Variants in MTR observed in about 807,000 individuals in gnomAD.
The protein encoded by MTR is 5-methyltetrahydrofolate-homocysteine methyltransferase.
MTR carries 84 observed loss-of-function variants against 154.8 expected under a neutral mutation model. The ratio of observed to expected loss-of-function variants is 0.54; its 90% confidence interval spans 0.45 to 0.65. The LOEUF is 0.65. Ranked by LOEUF, MTR falls within the 30% of genes least tolerant of loss-of-function variation. MTR has a pLI of 0.00. For missense variants in MTR, 1,275 were observed against 1,570.2 expected, an observed-to-expected ratio of 0.81 and a Z score of 3.18; for synonymous variants, 554 against 553.9, an observed-to-expected ratio of 1.00 and a Z score of 0.00.
intron 4 of MTR, among the ~76,000 whole-genome samples, chr1:236,810,283 T>C (rs1337823166): frequency 6.6e-6 from 1 of 152,204 alleles, no homozygotes; most frequent in Non-Finnish European, 1.5e-5. Flanking sequence ...TCATCTAAGT[T>C]GGATAAAGAC....
intron 8 of MTR, chr1:236,819,689 C>T: frequency 1.0e-5 from 7 of 681,194 alleles, no homozygotes; most frequent in Non-Finnish European, 1.9e-5. Flanking sequence ...TCCTTAAGTT[C>T]CTTACAGCAG....
intron 31 of MTR, among the ~76,000 whole-genome samples, chr1:236,896,601 T>C (rs1216444522): frequency 6.6e-6 from 1 of 152,220 alleles, no homozygotes; most frequent in Non-Finnish European, 1.5e-5. Flanking sequence ...ACTGGAGCTC[T>C]CAGTCGTCCC....
Position 236,900,225 on chromosome 1 carries a change from A to T in MTR, c.*2581A>T. The T allele has an allele frequency of 3.0e-6, 1 of 335,548 alleles. No homozygotes were observed. Among genetic ancestry groups the T allele is most frequent in the Non-Finnish European group, 6.0e-6 (1 of 167,072 alleles). 20.8% of individuals were successfully genotyped at this position (335,548 alleles called of 1,614,324 possible). ...ATATATATTCATTCTACGGGATATTATTCAGTAGTGGAAATGAGTGAACTA... is the reference window on the plus strand; with the variant it reads ...ATATATATTCATTCTACGGGATATTTTTCAGTAGTGGAAATGAGTGAACTA... On this transcript the variant is annotated 3_prime_UTR_variant, in exon 33 of 33. Transcript: ENST00000366577.
intron 21 of MTR, among the ~76,000 whole-genome samples, chr1:236,863,188 G>C (rs949972309): frequency 1.3e-5 from 2 of 152,216 alleles, no homozygotes; most frequent in Non-Finnish European, 2.9e-5. Flanking sequence ...TTAAGGATGT[G>C]GTCTTCAGCT....
intron 23 of MTR, among the ~76,000 whole-genome samples, chr1:236,874,384 G>A (rs986884977): frequency 2.6e-5 from 4 of 151,952 alleles, no homozygotes; most frequent in Non-Finnish European, 1.5e-5. Context: ...AGACCAGCCT[G>A]GCCAACGTGG....
At chr1:236,836,151 G>A (rs549556292) in intron 14 of MTR, among the ~76,000 whole-genome samples, 1 of 152,152 alleles carries the variant, frequency 6.6e-6, no homozygotes, top group African/African-American at 2.4e-5. Flanking sequence ...TTCTTCAAAA[G>A]GTGAAAATTG....
rs559626400 is a variant in MTR, at chr1:236,861,391, T to C, written c.2196+114T>C. 7 of 1,411,854 alleles carry C rather than the reference T, an allele frequency of 5.0e-6. No individual in the cohort carries two copies. In the East Asian group the frequency reaches 1.6e-4, roughly 33 times the overall value. The allele number at this position is 1,411,854 out of a possible 1,614,324, so 87.5% of individuals were successfully genotyped here. ...TAATTTGGACAAGAGTTCAATGGTA[T>C]TGGCTAGTCATTCCTTCTCTAAATA... On this transcript the variant is annotated intron_variant, in intron 20 of 32. Coordinates refer to ENST00000366577, the MANE Select transcript of MTR (RefSeq NM_000254.3).
intron 8 of MTR, among the ~76,000 whole-genome samples, chr1:236,821,975 G>A (rs1661982391): frequency 6.6e-6 from 1 of 152,108 alleles, no homozygotes; most frequent in Non-Finnish European, 1.5e-5. Context: ...AGTAAGTCTT[G>A]GAGTTGGGTA....
rs533899215 is a variant in MTR, at chr1:236,883,690, C to G, written c.2677-1431C>G. Among the ~76,000 whole-genome samples the G allele has an allele frequency of 9.9e-5, 15 of 152,222 alleles. No homozygotes were observed. The East Asian group carries it at 2.7e-3, about 27-fold the overall frequency. On this transcript the variant is annotated intron_variant, in intron 25 of 32. Coordinates refer to ENST00000366577, the MANE Select transcript of MTR (RefSeq NM_000254.3). ...TGTGGTGTGAACACTATTTAGGAACCTATTTTTGGCCTGCCACGATGGCCT... is the reference window on the plus strand; with the variant it reads ...TGTGGTGTGAACACTATTTAGGAACGTATTTTTGGCCTGCCACGATGGCCT...
intron 24 of MTR, among the ~76,000 whole-genome samples, chr1:236,878,935 T>TC (rs1471783903): frequency 1.3e-5 from 2 of 152,234 alleles, no homozygotes; most frequent in African/African-American, 4.8e-5. Flanking sequence ...ATGCCCATCT[T>TC]CCAGCTCAGT....
At chr1:236,798,738 T>C (rs777329953) in intron 1 of MTR, among the ~76,000 whole-genome samples, 2 of 152,264 alleles carry the variant, frequency 1.3e-5, no homozygotes, top group Non-Finnish European at 2.9e-5. Context: ...CTGCTTTATT[T>C]AGAACTTGAC....
chr1:236,803,375 C>A lies in MTR; in HGVS notation c.35-53C>A, dbSNP rs945815102. 4 of 1,545,906 alleles carry A rather than the reference C, an allele frequency of 2.6e-6. No homozygotes were observed. The African/African-American group carries it at 4.1e-5, about 16-fold the overall frequency. On this transcript the variant is annotated intron_variant, in intron 1 of 32. Transcript: ENST00000366577. ...AAATTTCTCTAAAGCTCCTCCCTCA[C>A]ACATCTTTTTCACCTTTCATTCTTT... is the stretch of plus-strand genomic sequence containing the variant.
intron 24 of MTR, among the ~76,000 whole-genome samples, chr1:236,879,324 T>G (rs1025593017): frequency 1.3e-5 from 2 of 152,262 alleles, no homozygotes; most frequent in African/African-American, 4.8e-5. Context: ...GTTGGTTGTT[T>G]GGAAAAGCTT....
chr1:236,797,749 A>G (rs893674082), intron 1 of MTR, among the ~76,000 whole-genome samples: 1 of 152,152 alleles, frequency 6.6e-6, no homozygotes, highest in African/African-American at 2.4e-5. Flanking sequence ...ACCTGAGGTC[A>G]GGAGTTCGAG....
chr1:236,826,394 T>C (rs1283587741), intron 10 of MTR, among the ~76,000 whole-genome samples: 2 of 152,130 alleles, frequency 1.3e-5, no homozygotes, highest in Non-Finnish European at 2.9e-5. Context: ...ACTCCTGGGC[T>C]CAAGCGATCC....
At chr1:236,852,174 A>AGG (rs755801355) in intron 16 of MTR, among the ~76,000 whole-genome samples, 38 of 152,246 alleles carry the variant, frequency 2.5e-4, no homozygotes, top group Non-Finnish European at 4.4e-4. Flanking sequence ...ATAGTGAACT[A>AGG]GGGAGTCTGT....
At chr1:236,882,263 C>A (rs1665777451) in intron 25 of MTR, among the ~76,000 whole-genome samples, 1 of 152,144 alleles carries the variant, frequency 6.6e-6, no homozygotes, top group Non-Finnish European at 1.5e-5. Flanking sequence ...GATGTATAGC[C>A]CTGAATAGTT....
chr1:236,849,599 AGGAGCAAT>A (rs1227280283), intron 15 of MTR, among the ~76,000 whole-genome samples: 3 of 152,178 alleles, frequency 2.0e-5, no homozygotes, highest in Non-Finnish European at 2.9e-5. Context: ...AAAACACCAA[AGGAGCAAT>A]GTAGGAGGTG....
chr1:236,797,685 G>A (rs985134494), intron 1 of MTR, among the ~76,000 whole-genome samples: 2 of 152,110 alleles, frequency 1.3e-5, no homozygotes, highest in East Asian at 1.9e-4. Context: ...GAAGCTGGGC[G>A]CGGTGGCTCA....
Sources: allele counts gnomAD v4.1 joint callset (sites outside exome capture counted in the v4.1 genomes callset), GRCh38; gene constraint gnomAD v4.1.1; transcripts MANE v1.5; gene names NCBI Gene and HGNC (gene_info 2026-07-23, HGNC 2026-07-21).